Variants in FAT1 observed in about 807,000 individuals in gnomAD.
FAT1 encodes the protein protocadherin Fat 1.
Under a neutral mutation model 329.8 loss-of-function variants are expected in FAT1, and 171 were observed. That is an observed-to-expected ratio of 0.52 (90% confidence interval 0.46 to 0.59). The LOEUF is 0.59. FAT1 is among the 20% of genes least tolerant of loss of function. The probability of loss-of-function intolerance (pLI) is 0.00; values close to 1 mark genes in which losing one functional copy is unlikely to be tolerated. For synonymous variants in FAT1, 2,233 were observed against 2,228.6 expected (o/e 1.00, Z -0.06); for missense variants, 5,672 against 5,774.4 (o/e 0.98, Z 0.57).
intron 3 of FAT1, among the ~76,000 whole-genome samples, chr4:186,660,154 G>A (rs1436298024): frequency 6.6e-6 from 1 of 152,080 alleles, no homozygotes; most frequent in Non-Finnish European, 1.5e-5. Context: ...TGGCGAGATG[G>A]GTCAGTGACT....
intron 2 of FAT1, among the ~76,000 whole-genome samples, chr4:186,666,160 A>T (rs1742429754): frequency 6.8e-6 from 1 of 148,016 alleles, no homozygotes; most frequent in East Asian, 2.0e-4. Flanking sequence ...CATTGTGCAC[A>T]TGTACCCTAG....
chr4:186,714,582 A>G (rs766898587), intron 1 of FAT1, among the ~76,000 whole-genome samples: 12 of 152,076 alleles, frequency 7.9e-5, no homozygotes, highest in Non-Finnish European at 1.3e-4. Flanking sequence ...CAAGGAAGAG[A>G]GCAGGCAGAA....
Position 186,589,109 on chromosome 4 carries a change from G to T in FAT1, c.13250C>A (p.Pro4417Gln), listed in dbSNP as rs2126356135. The T allele has an allele frequency of 6.2e-7, 1 of 1,613,938 alleles. No homozygotes were observed. Among genetic ancestry groups the T allele is most frequent in the African/African-American group, 1.3e-5 (1 of 75,016 alleles). Reference protein sequence around the residue: ...DEQTPLYSADPNAIDTDYYPG... With the variant: ...DEQTPLYSADQNAIDTDYYPG... ...GTAATAGTCCGTATCGATGGCGTTT[G>T]GATCTGCTGAGTACAGGGGTGTCTG... Residue 4417 changes from proline to glutamine, a missense_variant, in exon 27 of 27, where the codon CCA (proline) becomes CAA (glutamine). Pro to Gln is a moderately conservative substitution (Grantham distance 76, BLOSUM62 -1). This residue lies in a region of FAT1 where 1,706 missense variants were observed against 1,859.1 expected (regional missense o/e 0.92). Coordinates refer to ENST00000441802, the MANE Select transcript of FAT1 (RefSeq NM_005245.4).
chr4:186,648,488 C>T (rs530170367), intron 3 of FAT1, among the ~76,000 whole-genome samples: 7 of 152,046 alleles, frequency 4.6e-5, no homozygotes, highest in African/African-American at 1.4e-4. Flanking sequence ...TTTTGAGTTG[C>T]AGCAAATTTT....
intron 2 of FAT1, among the ~76,000 whole-genome samples, chr4:186,672,018 A>G (rs1237553816): frequency 1.3e-5 from 2 of 152,176 alleles, no homozygotes; most frequent in Non-Finnish European, 2.9e-5. Context: ...CAGAACTAAA[A>G]TCAACATTTG....
At chr4:186,667,208 T>TA (rs1742486914) in intron 2 of FAT1, among the ~76,000 whole-genome samples, 1 of 152,230 alleles carries the variant, frequency 6.6e-6, no homozygotes, top group South Asian at 2.1e-4. Flanking sequence ...GTTCGGGCCG[T>TA]AAGCGTCCAG....
chr4:186,624,588 C>T (rs1311019679), intron 9 of FAT1, among the ~76,000 whole-genome samples: 1 of 152,192 alleles, frequency 6.6e-6, no homozygotes, highest in Admixed American at 6.5e-5. Context: ...GACATGTCTC[C>T]AGCATATAAC....
At chr4:186,635,114 G>A (rs1041528493) in intron 6 of FAT1, among the ~76,000 whole-genome samples, 3 of 152,170 alleles carry the variant, frequency 2.0e-5, no homozygotes, top group East Asian at 3.9e-4. Flanking sequence ...TAGCATGAAA[G>A]TTCCAAAGGT....
rs1227258145 is a variant in FAT1, at chr4:186,708,687, G to C, written c.1141C>G (p.Pro381Ala). The change falls in exon 2 of 27, where the codon CCT becomes GCT. Residue 381 changes from proline to alanine, a missense_variant. By Grantham distance (27) the Pro-to-Ala change is conservative. Coordinates refer to ENST00000441802, the MANE Select transcript of FAT1 (RefSeq NM_005245.4). ...VYRAEISEFA[P>A]PNTPVVMVKA... ...ACCATGACCACAGGTGTGTTGGGAG[G>C]AGCAAATTCACTTATTTCTGCTCTG... is the stretch of plus-strand genomic sequence containing the variant. The C allele has an allele frequency of 6.2e-7, 1 of 1,613,830 alleles. No homozygotes were observed. Among genetic ancestry groups the C allele is most frequent in the African/African-American group, 1.3e-5 (1 of 75,030 alleles).
chr4:186,672,909 C>T (rs187086793), intron 2 of FAT1, among the ~76,000 whole-genome samples: 22 of 152,222 alleles, frequency 1.4e-4, no homozygotes, highest in Non-Finnish European at 5.9e-5. Flanking sequence ...TGCCAGATGC[C>T]GTTTTCCCAA....
At chr4:186,663,199 A>G in intron 3 of FAT1, 100 bp downstream of exon 3, 3 of 971,128 alleles carry the variant, frequency 3.1e-6, no homozygotes, top group Non-Finnish European at 4.5e-6. Context: ...ACAATTTATC[A>G]AGAAACAAAA....
chr4:186,603,043 A>T lies in FAT1; in HGVS notation c.11351-9T>A. 2 of 1,613,728 alleles carry T rather than the reference A, an allele frequency of 1.2e-6. No individual in the cohort carries two copies. The highest frequency in any genetic ancestry group is 1.7e-6 in the Non-Finnish European group (2 of 1,179,762). ...AGGTGGGCACCTTCCCTCTTCATTC[A>T]AAGAGGGGAGAAAGGGAAAAGATAA... On this transcript the variant is annotated splice_polypyrimidine_tract_variant and intron_variant, in intron 19 of 26. Coordinates refer to ENST00000441802, the MANE Select transcript of FAT1 (RefSeq NM_005245.4).
intron 26 of FAT1, among the ~76,000 whole-genome samples, chr4:186,595,296 G>GT (rs1738444653): frequency 2.0e-5 from 3 of 149,854 alleles, no homozygotes; most frequent in African/African-American, 7.3e-5. Flanking sequence ...TCTTAGAGGG[G>GT]GTGTGTGTGT....
chr4:186,613,054 G>C (rs1739526339), intron 13 of FAT1, 55 bp downstream of exon 13: 1 of 1,257,458 alleles, frequency 8.0e-7, no homozygotes, highest in African/African-American at 1.5e-5. Flanking sequence ...TTTTGAAACA[G>C]AGGCTCCTAG....
intron 21 of FAT1, 140 bp from the exon 22 acceptor site, chr4:186,600,500 C>A: frequency 1.5e-6 from 1 of 659,702 alleles, no homozygotes; most frequent in Non-Finnish European, 2.6e-6. Context: ...AGCACAGATT[C>A]ATTTGTCCAC....
chr4:186,640,294 T>G (rs965353149), intron 3 of FAT1, among the ~76,000 whole-genome samples: 1 of 152,222 alleles, frequency 6.6e-6, no homozygotes, highest in Non-Finnish European at 1.5e-5. Flanking sequence ...TAATGACTCA[T>G]ATTGGATAAA....
chr4:186,604,550 C>G lies in FAT1; in HGVS notation c.10375G>C (p.Val3459Leu), dbSNP rs199593181. 6.2e-7 allele frequency: 1 copy of G among 1,609,714 alleles called. No homozygotes were observed. Among genetic ancestry groups the G allele is most frequent in the African/African-American group, 1.3e-5 (1 of 74,870 alleles). ...IQENKPVGFS[V>L]LQLVVTDEDS... ...TCATCTGTTACTACCAGCTGCAGCACGCTGAAGCCCACTGGCTTATTTTCC... is the reference window on the plus strand; with the variant it reads ...TCATCTGTTACTACCAGCTGCAGCAGGCTGAAGCCCACTGGCTTATTTTCC... Residue 3459 changes from valine (V) to leucine (L), a missense_variant, in exon 18 of 27, where the codon GTG becomes CTG. Around this residue, in one of 2 missense-constraint regions of FAT1, gnomAD observed 1,706 missense variants for 1,859.1 expected, o/e 0.92. Coordinates refer to ENST00000441802, the MANE Select transcript of FAT1 (RefSeq NM_005245.4).
intron 2 of FAT1, among the ~76,000 whole-genome samples, chr4:186,674,112 C>T (rs911597076): frequency 2.0e-5 from 3 of 152,200 alleles, no homozygotes; most frequent in Non-Finnish European, 4.4e-5. Context: ...TCCCCTTATA[C>T]GGACTGGATG....
At chr4:186,662,888 G>C (rs1364067170) in intron 3 of FAT1, among the ~76,000 whole-genome samples, 2 of 151,958 alleles carry the variant, frequency 1.3e-5, no homozygotes, top group Non-Finnish European at 2.9e-5. Flanking sequence ...CCAGGCTGGA[G>C]TGCAGTGGCA....
Sources: allele counts gnomAD v4.1 joint callset (sites outside exome capture counted in the v4.1 genomes callset), GRCh38; gene constraint gnomAD v4.1.1; regional missense constraint gnomAD v4.1.1; transcripts MANE v1.5; gene names NCBI Gene and HGNC (gene_info 2026-07-23, HGNC 2026-07-21).